Variants in PSORS1C1 observed in about 807,000 individuals in gnomAD.
PSORS1C1 encodes the protein psoriasis susceptibility 1 candidate gene 1 protein.
In PSORS1C1, 7 loss-of-function variants were observed where a neutral mutation model predicts 9.4. The ratio of observed to expected loss-of-function variants is 0.75; its 90% CI spans 0.42 to 1.40. The LOEUF is 1.40. Among genes scored for constraint, PSORS1C1 ranks in the 40% most tolerant of loss-of-function variants. PSORS1C1 has a pLI of 0.01. For missense variants in PSORS1C1, 146 were observed against 178.1 expected (o/e 0.82, Z 1.02); for synonymous variants, 63 against 69.4 (o/e 0.91, Z 0.46).
intron 1 of PSORS1C1, chr6:31,116,779 G>A (rs1391881771): frequency 1.9e-6 from 3 of 1,613,400 alleles, no homozygotes; most frequent in Non-Finnish European, 2.5e-6. Flanking sequence ...GGGCTTGCCT[G>A]GAAGGCCACC....
chr6:31,125,172 A>G (rs1028208838), intron 1 of PSORS1C1, among the ~76,000 whole-genome samples: 1 of 152,174 alleles, frequency 6.6e-6, no homozygotes, highest in Non-Finnish European at 1.5e-5. Flanking sequence ...CTGGAAAAGC[A>G]GCTTATTTTG....
chr6:31,137,182 C>A (rs1773181622), intron 3 of PSORS1C1, among the ~76,000 whole-genome samples: 1 of 150,234 alleles, frequency 6.7e-6, no homozygotes, highest in South Asian at 2.1e-4. Flanking sequence ...AGAGGCCGGG[C>A]GCTGTGGCTC....
chr6:31,139,838 G>A lies in PSORS1C1; in HGVS notation c.365G>A (p.Gly122Glu), dbSNP rs770774524. The change falls in exon 6 of 6, where the codon GGA becomes GAA. Residue 122 changes from glycine to glutamate, a missense_variant. Coordinates refer to ENST00000259881, the MANE Select transcript of PSORS1C1 (RefSeq NM_014068.3). This position sits in a 1 kb window ranked among gnomAD's most constrained non-coding sequence, Gnocchi z 5.2. ...QQPQPLPPPS[G>E]IHLSASRTLA... The stretch of plus-strand genomic sequence containing the variant: ...CCTCAGCCCCTTCCTCCTCCCTCAG[G>A]AATCCACCTATCCGCCTCTAGGACC... 4 of 1,612,824 alleles carry A rather than the reference G, an allele frequency of 2.5e-6. No homozygotes were observed. Among genetic ancestry groups the A allele is most frequent in the Non-Finnish European group, 3.4e-6 (4 of 1,180,000 alleles).
chr6:31,138,123 C>A lies in PSORS1C1; in HGVS notation c.14-307C>A, dbSNP rs139472873. ...TCTAGGCGGTTCAGGGAGCCAGACT[C>A]CAGTTTCAGGCAGGTCTCTCCAGGG... On this transcript the variant is annotated intron_variant, in intron 3 of 5. Transcript: ENST00000259881. The A allele has an allele frequency of 1.3e-4, 204 of 1,605,208 alleles. 7 individuals are homozygous for A. Among genetic ancestry groups the A allele is most frequent in the Non-Finnish European group, 1.6e-4 (193 of 1,176,828 alleles).
intron 3 of PSORS1C1, chr6:31,137,461 G>GA (rs1006856372): frequency 1.3e-5 from 2 of 153,736 alleles, no homozygotes; most frequent in Non-Finnish European, 2.9e-5. Flanking sequence ...CTCAAAAAAA[G>GA]AAAAAAACAA....
At chr6:31,126,266 A>C (rs1032302914) in intron 2 of PSORS1C1, among the ~76,000 whole-genome samples, 5 of 152,152 alleles carry the variant, frequency 3.3e-5, no homozygotes, top group Non-Finnish European at 7.3e-5. Context: ...AACAAACAGC[A>C]GTGTTCACAT....
chr6:31,134,483 T>A (rs1773059434), intron 3 of PSORS1C1, among the ~76,000 whole-genome samples: 1 of 151,764 alleles, frequency 6.6e-6, no homozygotes, highest in Non-Finnish European at 1.5e-5. Context: ...TTTTTGTATT[T>A]TTTAGTAGAG....
At chr6:31,138,231 G>A (rs771681627) in intron 3 of PSORS1C1, 199 bp from the exon 4 acceptor site, 5 of 1,566,944 alleles carry the variant, frequency 3.2e-6, no homozygotes, top group South Asian at 2.4e-5. Context: ...GGGGCCCTGA[G>A]GCAATGTTGG....
intron 3 of PSORS1C1, chr6:31,138,014 AG>A: frequency 1.3e-6 from 2 of 1,523,806 alleles, no homozygotes; most frequent in Non-Finnish European, 1.8e-6. Context: ...TGTCCACCTC[AG>A]GGGCAGGAGG....
intron 3 of PSORS1C1, among the ~76,000 whole-genome samples, chr6:31,131,429 TA>T (rs28993424): frequency 0.068 from 10,244 of 150,348 alleles, 365 homozygotes; most frequent in Middle Eastern, 0.11. Flanking sequence ...CCGTGTCTAC[TA>T]AAAAAAAACT....
intron 1 of PSORS1C1, among the ~76,000 whole-genome samples, chr6:31,121,290 C>T (rs374846853): frequency 6.6e-6 from 1 of 152,126 alleles, no homozygotes; most frequent in Admixed American, 6.5e-5. Context: ...TGGCTGGTAA[C>T]CCAGACCTCA....
chr6:31,114,989 G>A, intron 1 of PSORS1C1, 98 bp downstream of exon 1: 1 of 426,326 alleles, frequency 2.3e-6, no homozygotes, highest in Non-Finnish European at 4.7e-6. Flanking sequence ...AGGGGAAGGG[G>A]GACCCCACGG....
At chr6:31,119,194 C>T (rs1772330407) in intron 1 of PSORS1C1, among the ~76,000 whole-genome samples, 1 of 152,100 alleles carries the variant, frequency 6.6e-6, no homozygotes, top group Non-Finnish European at 1.5e-5. Context: ...ATTACTGCCA[C>T]TCATCCTGAT....
At chr6:31,134,215 AGG>A (rs1380234764) in intron 3 of PSORS1C1, among the ~76,000 whole-genome samples, 1 of 151,410 alleles carries the variant, frequency 6.6e-6, no homozygotes, top group East Asian at 1.9e-4. Context: ...TCCTGACCTC[AGG>A]TAATCCACCC....
At chr6:31,134,460 G>A (rs1415795973) in intron 3 of PSORS1C1, among the ~76,000 whole-genome samples, 1 of 151,640 alleles carries the variant, frequency 6.6e-6, no homozygotes, top group Non-Finnish European at 1.5e-5. Context: ...CGGCCACCAT[G>A]CCCGGCTAAT....
At position 31,139,788 on chromosome 6, in the gene PSORS1C1, G is replaced by A. The variant is rs1243590345; in HGVS notation, c.315G>A (p.Pro105=). Residue 105 remains proline (P), a synonymous_variant, in exon 6 of 6, where the codon CCG becomes CCA. Coordinates refer to ENST00000259881, the MANE Select transcript of PSORS1C1 (RefSeq NM_014068.3). This position sits in a 1 kb window ranked among gnomAD's most constrained non-coding sequence, Gnocchi z 5.2. ...ELFASVLPMA[P]EEAARLQQPQ... is the part of the protein sequence containing the mutation. ...TTGCATCAGTCCTGCCAATGGCTCCGGAAGAAGCTGCCAGGCTCCAGCAAC... is the reference window on the plus strand; with the variant it reads ...TTGCATCAGTCCTGCCAATGGCTCCAGAAGAAGCTGCCAGGCTCCAGCAAC... 11 of 1,612,938 alleles carry A rather than the reference G, an allele frequency of 6.8e-6. No homozygotes were observed. The highest frequency in any genetic ancestry group is 2.2e-5 in the East Asian group (1 of 44,880).
rs373844083 is a variant in PSORS1C1, at chr6:31,125,321, C to T, written c.-228-355C>T. 6.2e-4 allele frequency among the ~76,000 whole-genome samples: 94 copies of T among 152,242 alleles called. No individual in the cohort carries two copies. The East Asian group carries it at 8.1e-3, about 13-fold the overall frequency. ...CTCCTCTCTCTTTCTCCATGACACC[C>T]ACGCTTCCCTGTGGACTCACCTCTG... On this transcript the variant is annotated intron_variant, in intron 1 of 5. Transcript: ENST00000259881.
chr6:31,138,650 C>T lies in PSORS1C1; in HGVS notation c.44-6C>T, dbSNP rs1773284933. On this transcript the variant is annotated splice_region_variant and splice_polypyrimidine_tract_variant and intron_variant, in intron 4 of 5. Transcript: ENST00000259881. ...AACCCAAAGTGGGTTACACCTTGGC[C>T]CCCAGGCACACAGACCCCAGCTTTA... 6.2e-7 allele frequency: 1 copy of T among 1,612,972 alleles called. No homozygotes were observed. The highest frequency in any genetic ancestry group is 1.3e-5 in the African/African-American group (1 of 74,852).
At chr6:31,137,083 G>A (rs944106676) in intron 3 of PSORS1C1, among the ~76,000 whole-genome samples, 1 of 152,084 alleles carries the variant, frequency 6.6e-6, no homozygotes, top group African/African-American at 2.4e-5. Context: ...GGGAGGCGGA[G>A]GTTGCAGTGA....
Sources: allele counts gnomAD v4.1 joint callset (sites outside exome capture counted in the v4.1 genomes callset), GRCh38; gene constraint gnomAD v4.1.1; non-coding constraint Gnocchi (gnomAD v3.1); transcripts MANE v1.5; gene names NCBI Gene and HGNC (gene_info 2026-07-23, HGNC 2026-07-21).